The following EPYC variants were observed in gnomAD, a reference collection of about 807,000 sequenced individuals.
EPYC encodes dermatan sulfate proteoglycan 3.
Under a neutral mutation model 30.1 loss-of-function variants are expected in EPYC, and 28 were observed. That is an observed-to-expected ratio of 0.93 (90% CI 0.69 to 1.28). The LOEUF is 1.28. Ranked by LOEUF, EPYC falls within the 50% of genes most tolerant of loss-of-function variation. The probability of loss-of-function intolerance (pLI) is 0.00; values close to 1 mark genes in which losing one functional copy is unlikely to be tolerated. For missense variants in EPYC, 382 were observed against 383.5 expected (o/e 1.00, Z 0.03); for synonymous variants, 144 against 141.4 (o/e 1.02, Z -0.13).
At chr12:90,990,927 T>C (rs1877569243) in intron 2 of EPYC, among the ~76,000 whole-genome samples, 1 of 152,184 alleles carries the variant, frequency 6.6e-6, no homozygotes, top group African/African-American at 2.4e-5. Flanking sequence ...GTCCATTCTA[T>C]CCTTTTATAC....
At chr12:90,983,799 A>G (rs1167842054) in intron 2 of EPYC, among the ~76,000 whole-genome samples, 3 of 151,946 alleles carry the variant, frequency 2.0e-5, no homozygotes, top group African/African-American at 4.8e-5. Context: ...ATTTTTTCCT[A>G]TAAGAATGAT....
chr12:90,990,286 C>T (rs1019874441), intron 2 of EPYC, among the ~76,000 whole-genome samples: 1 of 151,944 alleles, frequency 6.6e-6, no homozygotes, highest in African/African-American at 2.4e-5. Context: ...ATTTGTAGAA[C>T]TTCTTTGGAT....
chr12:90,991,353 A>G (rs555861457), intron 2 of EPYC, among the ~76,000 whole-genome samples: 1 of 152,304 alleles, frequency 6.6e-6, no homozygotes, highest in East Asian at 1.9e-4. Flanking sequence ...AATTATGCAT[A>G]TTAATGGAGG....
chr12:90,979,235 T>C (rs1450303088), intron 2 of EPYC, among the ~76,000 whole-genome samples: 1 of 152,154 alleles, frequency 6.6e-6, no homozygotes, highest in Non-Finnish European at 1.5e-5. Context: ...TCCAGGCAAT[T>C]GGGATGGCGA....
chr12:90,990,340 C>T (rs1053027751), intron 2 of EPYC, among the ~76,000 whole-genome samples: 9 of 151,916 alleles, frequency 5.9e-5, no homozygotes, highest in Admixed American at 6.6e-5. Flanking sequence ...TGATGATGCA[C>T]ATATTATCAC....
chr12:90,987,056 G>A (rs771541284), intron 2 of EPYC, among the ~76,000 whole-genome samples: 1 of 152,076 alleles, frequency 6.6e-6, no homozygotes, highest in Admixed American at 6.6e-5. Context: ...ATAAGAGTAA[G>A]AAAATATTAT....
At position 90,970,143 on chromosome 12, in the gene EPYC, T is replaced by C. The variant is rs774904231; in HGVS notation, c.703-4A>G. The C allele has an allele frequency of 1.2e-6, 2 of 1,603,692 alleles. No homozygotes were observed. The highest frequency in any genetic ancestry group is 1.3e-5 in the African/African-American group (1 of 74,656). ...GATGATGGAGATCATACATGTCCTGTAAACATTCCAAATGTGGGAACTCAA... is the reference window on the plus strand; with the variant it reads ...GATGATGGAGATCATACATGTCCTGCAAACATTCCAAATGTGGGAACTCAA... On this transcript the variant is annotated splice_polypyrimidine_tract_variant and splice_region_variant and intron_variant, in intron 5 of 6. Coordinates refer to ENST00000261172, the MANE Select transcript of EPYC (RefSeq NM_004950.5).
At chr12:90,964,782 T>C (rs1403475204) in intron 6 of EPYC, among the ~76,000 whole-genome samples, 1 of 152,002 alleles carries the variant, frequency 6.6e-6, no homozygotes, top group Non-Finnish European at 1.5e-5. Context: ...CCCTCAACAT[T>C]CGACATTCAA....
intron 2 of EPYC, among the ~76,000 whole-genome samples, chr12:91,000,167 G>A (rs1307254778): frequency 6.6e-6 from 1 of 151,942 alleles, no homozygotes; most frequent in East Asian, 1.9e-4. Context: ...CAACCACAAG[G>A]GATTGTTAGT....
chr12:90,976,864 C>T (rs1399422960), intron 3 of EPYC, among the ~76,000 whole-genome samples: 1 of 152,078 alleles, frequency 6.6e-6, no homozygotes, highest in Non-Finnish European at 1.5e-5. Flanking sequence ...AGGCGTTTCC[C>T]CTTTCACTTG....
At chr12:90,971,672 CAATAAATAAATAAATA>C (rs57567044) in intron 5 of EPYC, 112 bp downstream of exon 5, 11 of 198,190 alleles carry the variant, frequency 5.6e-5, no homozygotes, top group African/African-American at 1.1e-4. Context: ...GACCCTATCT[CAATAAATAAATAAATA>C]AATAAATAAA....
chr12:90,999,017 CA>C (rs1877761401), intron 2 of EPYC, among the ~76,000 whole-genome samples: 1 of 152,114 alleles, frequency 6.6e-6, no homozygotes, highest in Non-Finnish European at 1.5e-5. Context: ...CATCAACACA[CA>C]GTTCACTTTG....
intron 5 of EPYC, 26 bp downstream of exon 5, chr12:90,971,774 G>T (rs762992421): frequency 2.1e-6 from 3 of 1,419,720 alleles, no homozygotes; most frequent in African/African-American, 1.4e-5. Flanking sequence ...GAAGATAAAA[G>T]TCTGCATATC....
At chr12:90,969,932 A>T (rs1247098961) in intron 6 of EPYC, 112 bp downstream of exon 6, 3 of 731,010 alleles carry the variant, frequency 4.1e-6, no homozygotes, top group Non-Finnish European at 7.3e-6. Context: ...AAAGAAGAAA[A>T]GTTATCACAG....
intron 6 of EPYC, among the ~76,000 whole-genome samples, chr12:90,968,060 T>A (rs1271163468): frequency 6.6e-6 from 1 of 152,146 alleles, no homozygotes; most frequent in Admixed American, 6.5e-5. Context: ...TTTCTGATAG[T>A]TTTTGCCTCA....
intron 2 of EPYC, among the ~76,000 whole-genome samples, chr12:90,999,658 G>A (rs556097406): frequency 1.3e-5 from 2 of 151,984 alleles, no homozygotes; most frequent in Admixed American, 6.6e-5. Context: ...ATAAAAATGA[G>A]ATAAATATGC....
chr12:90,973,319 A>G (rs1348352023), intron 3 of EPYC, among the ~76,000 whole-genome samples: 1 of 152,174 alleles, frequency 6.6e-6, no homozygotes, highest in African/African-American at 2.4e-5. Context: ...TAATAATGAA[A>G]CATTTCACTA....
chr12:90,977,754 G>T (rs1055909635), intron 3 of EPYC, among the ~76,000 whole-genome samples: 4 of 151,986 alleles, frequency 2.6e-5, no homozygotes, highest in Non-Finnish European at 5.9e-5. Context: ...CCCTTGAACT[G>T]CTGTGGCCTA....
chr12:90,973,878 A>T (rs1390506767), intron 3 of EPYC, among the ~76,000 whole-genome samples: 1 of 152,118 alleles, frequency 6.6e-6, no homozygotes, highest in African/African-American at 2.4e-5. Flanking sequence ...CTGCTGGAAG[A>T]TGTAATGGAA....
Sources: allele counts gnomAD v4.1 joint callset (sites outside exome capture counted in the v4.1 genomes callset), GRCh38; gene constraint gnomAD v4.1.1; transcripts MANE v1.5; gene names NCBI Gene and HGNC (gene_info 2026-07-23, HGNC 2026-07-21).